The following GOLIM4 variants were observed in gnomAD, a reference collection of about 807,000 sequenced individuals.
GOLIM4 encodes 130 kDa golgi-localized phosphoprotein.
Under a neutral mutation model 107.4 loss-of-function variants are expected in GOLIM4, and 71 were observed. The observed-to-expected ratio is 0.66, with a 90% CI of 0.55 to 0.81. The LOEUF (loss-of-function observed/expected upper bound fraction) is 0.81, where lower values mean the gene tolerates loss of function less well. Among genes scored for constraint, GOLIM4 ranks in the 30% least tolerant of loss-of-function variants. The pLI is 0.00. For synonymous variants in GOLIM4, 327 were observed against 294.8 expected, an observed-to-expected ratio of 1.11 and a Z score of -1.12; for missense variants, 830 against 826.1, an observed-to-expected ratio of 1.00 and a Z score of -0.06.
chr3:168,041,820 G>C (rs1404783174), intron 5 of GOLIM4, among the ~76,000 whole-genome samples: 2 of 151,928 alleles, frequency 1.3e-5, no homozygotes, highest in Non-Finnish European at 2.9e-5. Flanking sequence ...ACTCAGATTT[G>C]AGTCTCTTCA....
chr3:168,050,862 AT>A (rs1194622525), intron 1 of GOLIM4, among the ~76,000 whole-genome samples: 8 of 146,912 alleles, frequency 5.4e-5, no homozygotes, highest in African/African-American at 2.0e-4. Flanking sequence ...AATAATAATA[AT>A]AATAATAAAA....
At chr3:168,063,494 T>A (rs1720373509) in intron 1 of GOLIM4, among the ~76,000 whole-genome samples, 1 of 152,164 alleles carries the variant, frequency 6.6e-6, no homozygotes, top group Non-Finnish European at 1.5e-5. Context: ...AGAAAATGAA[T>A]ATTTTCCTGA....
chr3:168,082,123 A>C (rs866894843), intron 1 of GOLIM4, among the ~76,000 whole-genome samples: 12 of 152,174 alleles, frequency 7.9e-5, no homozygotes, highest in Middle Eastern at 3.2e-3. Context: ...GTTTTGAGGA[A>C]CTGATTAACG....
rs1719435054 is a variant in GOLIM4, at chr3:168,048,425, C to T, written c.188-60G>A. On this transcript the variant is annotated intron_variant, in intron 1 of 15. Transcript: ENST00000470487. ...ATTAGAAATTTAAAACTAAAATTAA[C>T]ATCAATTTTTAAAACAGGAAGAAAA... 6.4e-6 allele frequency: 5 copies of T among 778,396 alleles called. No homozygotes were observed. In the East Asian group the frequency reaches 1.3e-4, roughly 21 times the overall value. 48.2% of individuals were successfully genotyped at this position (778,396 alleles called of 1,614,324 possible). A position where few individuals can be genotyped will look rare whatever the true frequency, so the allele number is the denominator to read the frequency against.
intron 14 of GOLIM4, among the ~76,000 whole-genome samples, chr3:168,020,039 T>C (rs767638331): frequency 6.6e-6 from 1 of 152,202 alleles, no homozygotes; most frequent in Non-Finnish European, 1.5e-5. Flanking sequence ...AACTATATAG[T>C]TACTGTGCAT....
chr3:168,054,955 CTTT>C (rs553076775), intron 1 of GOLIM4, among the ~76,000 whole-genome samples: 1 of 152,170 alleles, frequency 6.6e-6, no homozygotes, highest in Non-Finnish European at 1.5e-5. Context: ...AAATTCTCTT[CTTT>C]TGTCTGCTGC....
chr3:168,040,275 TA>T, intron 7 of GOLIM4, among the ~76,000 whole-genome samples: 1 of 152,342 alleles, frequency 6.6e-6, no homozygotes, highest in Non-Finnish European at 1.5e-5. Context: ...AAATGGAGCT[TA>T]TGACTCTTGT....
chr3:168,043,215 T>C (rs1223220445), intron 5 of GOLIM4, among the ~76,000 whole-genome samples, 164 bp downstream of exon 5: 2 of 151,782 alleles, frequency 1.3e-5, no homozygotes, highest in South Asian at 2.1e-4. Context: ...CCAACCCAAA[T>C]AGATGAAGAT....
At chr3:168,022,327 G>A (rs1577507840) in intron 14 of GOLIM4, among the ~76,000 whole-genome samples, 1 of 146,830 alleles carries the variant, frequency 6.8e-6, no homozygotes, top group East Asian at 1.9e-4. Flanking sequence ...AAGGTTAAAT[G>A]GAGATTAAAA....
At chr3:168,041,336 T>G in intron 6 of GOLIM4, 56 bp downstream of exon 6, 2 of 1,004,886 alleles carry the variant, frequency 2.0e-6, no homozygotes, top group South Asian at 1.3e-5. Flanking sequence ...TTTAAAGTCA[T>G]TCTACCAAAT....
chr3:168,039,679 T>C (rs1455868527), intron 7 of GOLIM4, among the ~76,000 whole-genome samples: 1 of 152,214 alleles, frequency 6.6e-6, no homozygotes, highest in Non-Finnish European at 1.5e-5. Flanking sequence ...GATTTTCAAA[T>C]TGTTGCTCAG....
chr3:168,022,996 C>T (rs1717797150), intron 14 of GOLIM4, among the ~76,000 whole-genome samples: 1 of 152,182 alleles, frequency 6.6e-6, no homozygotes, highest in Non-Finnish European at 1.5e-5. Flanking sequence ...CCTCTTGCCT[C>T]TTTCTTCTCT....
intron 1 of GOLIM4, among the ~76,000 whole-genome samples, chr3:168,093,290 C>A (rs996880555): frequency 6.6e-6 from 1 of 152,182 alleles, no homozygotes; most frequent in African/African-American, 2.4e-5. Flanking sequence ...GACACAGAAG[C>A]AAAGTCTCAG....
chr3:168,095,588 T>G lies in GOLIM4; in HGVS notation c.-303A>C. On this transcript the variant is annotated 5_prime_UTR_variant, in exon 1 of 16. Transcript: ENST00000470487. ...TCAGAGCCGGCTGCCCTCGCGCCTG[T>G]CCCCAGATGCCTCCTGCCTTTTTTC... is the stretch of plus-strand genomic sequence containing the variant. The G allele has an allele frequency of 2.8e-6, 1 of 352,860 alleles. No individual in the cohort carries two copies. The highest frequency in any genetic ancestry group is 3.7e-5 in the South Asian group (1 of 26,804). 21.9% of individuals were successfully genotyped at this position (352,860 alleles called of 1,614,324 possible). A position where few individuals can be genotyped will look rare whatever the true frequency, so the allele number is the denominator to read the frequency against.
At chr3:168,022,584 G>A (rs1221822165) in intron 14 of GOLIM4, among the ~76,000 whole-genome samples, 2 of 152,156 alleles carry the variant, frequency 1.3e-5, no homozygotes, top group South Asian at 2.1e-4. Context: ...ACCTGGGAAC[G>A]ATGGACAGAG....
intron 14 of GOLIM4, among the ~76,000 whole-genome samples, chr3:168,021,688 A>C (rs1560070564): frequency 6.6e-6 from 1 of 151,870 alleles, no homozygotes; most frequent in Non-Finnish European, 1.5e-5. Context: ...AAAAAACAAA[A>C]AAAAAAGAAA....
At chr3:168,075,008 T>A (rs1006187471) in intron 1 of GOLIM4, among the ~76,000 whole-genome samples, 1 of 152,188 alleles carries the variant, frequency 6.6e-6, no homozygotes, top group African/African-American at 2.4e-5. Flanking sequence ...ATTAAAATGC[T>A]GTGGAGCCTA....
intron 5 of GOLIM4, among the ~76,000 whole-genome samples, chr3:168,041,801 C>T (rs1048746345): frequency 1.3e-5 from 2 of 151,830 alleles, no homozygotes; most frequent in Non-Finnish European, 2.9e-5. Flanking sequence ...AAATATAATG[C>T]GTAGGTGTAC....
At chr3:168,021,943 T>G (rs1042822569) in intron 14 of GOLIM4, among the ~76,000 whole-genome samples, 9 of 152,232 alleles carry the variant, frequency 5.9e-5, no homozygotes, top group Non-Finnish European at 1.3e-4. Flanking sequence ...TAAATTGTCT[T>G]GTTTGCTTAC....
Sources: gnomAD v4.1 joint callset for allele counts (sites outside exome capture counted in the v4.1 genomes callset) on GRCh38, gnomAD v4.1.1 for gene constraint, MANE v1.5 for transcripts, NCBI Gene and HGNC (gene_info 2026-07-23, HGNC 2026-07-21) for gene names.